ZWILCH: variants seen among roughly 807,000 people sequenced by gnomAD.
ZWILCH encodes the protein protein zwilch homolog.
In ZWILCH, 74 loss-of-function variants were observed where a neutral mutation model predicts 79.9. That is an observed-to-expected ratio of 0.93 (90% CI 0.77 to 1.12). The LOEUF is 1.12. ZWILCH is among the 50% of genes most tolerant of loss of function. The pLI, the probability that ZWILCH is intolerant of heterozygous loss-of-function variation, is 0.00. For synonymous variants in ZWILCH, 241 were observed against 228.2 expected (o/e 1.06, Z -0.51); for missense variants, 694 against 687.5 (o/e 1.01, Z -0.11).
At chr15:66,545,512 G>A (rs777479585) in intron 17 of ZWILCH, among the ~76,000 whole-genome samples, 11 of 152,188 alleles carry the variant, frequency 7.2e-5, no homozygotes, top group Admixed American at 2.0e-4. Flanking sequence ...AAAAAAGAGT[G>A]AAAGTTATTT....
chr15:66,515,363 G>C (rs375537774), intron 3 of ZWILCH, among the ~76,000 whole-genome samples, 163 bp from the exon 4 acceptor site: 2 of 152,142 alleles, frequency 1.3e-5, no homozygotes, highest in Non-Finnish European at 2.9e-5. Context: ...TTGGTACCAA[G>C]CTAGTTTGTG....
Position 66,549,190 on chromosome 15 carries a change from A to C in ZWILCH, c.*866A>C, listed in dbSNP as rs1381759129. 3 of 152,262 alleles carry C rather than the reference A, an allele frequency of 2.0e-5. No individual in the cohort carries two copies. Among genetic ancestry groups the C allele is most frequent in the Non-Finnish European group, 4.4e-5 (3 of 68,078 alleles). The allele number at this position is 152,262 out of a possible 1,614,324, so 9.4% of individuals were successfully genotyped here. A position where few individuals can be genotyped will look rare whatever the true frequency, so the allele number is the denominator to read the frequency against. On this transcript the variant is annotated 3_prime_UTR_variant, in exon 19 of 19. Transcript: ENST00000307897. Reference sequence around the variant, plus strand: ...GGTACTCTGGTTACTGAGATAAATAAGGCACTGGACATCCTCACGTGGAGT... The same window carrying C: ...GGTACTCTGGTTACTGAGATAAATACGGCACTGGACATCCTCACGTGGAGT...
rs1440773352 is a variant in ZWILCH at position 66,521,088 on chromosome 15, G to A, written c.630G>A (p.Lys210=). 1.2e-6 allele frequency: 2 copies of A among 1,614,134 alleles called. No homozygotes were observed. The highest frequency in any genetic ancestry group is 1.7e-6 in the Non-Finnish European group (2 of 1,180,034). ...GCTTTGCCCAGTATGAGCTCTTTAAGTCCTCTGCCTTGGATGATACAATCA... is the reference window on the plus strand; with the variant it reads ...GCTTTGCCCAGTATGAGCTCTTTAAATCCTCTGCCTTGGATGATACAATCA... ...SKGFAQYELF[K]SSALDDTITA... The change falls in exon 7 of 19, where the codon AAG becomes AAA. Residue 210 remains lysine, a synonymous_variant. Transcript: ENST00000307897.
At chr15:66,542,478 G>A (rs572373607) in intron 17 of ZWILCH, among the ~76,000 whole-genome samples, 26 of 152,162 alleles carry the variant, frequency 1.7e-4, no homozygotes, top group South Asian at 8.3e-4. Context: ...CCAGCTCTTC[G>A]GGAGGCGGAG....
intron 7 of ZWILCH, among the ~76,000 whole-genome samples, chr15:66,522,331 CTTTTT>C (rs1292788536): frequency 7.4e-6 from 1 of 135,822 alleles, no homozygotes; most frequent in African/African-American, 2.7e-5. Flanking sequence ...AGATTTCTTT[CTTTTT>C]TTTTTTTTTT....
intron 8 of ZWILCH, among the ~76,000 whole-genome samples, chr15:66,526,846 T>C (rs866507138): frequency 2.6e-5 from 4 of 152,216 alleles, no homozygotes; most frequent in Non-Finnish European, 5.9e-5. Context: ...CTTCCACTTT[T>C]TACATTTATT....
intron 3 of ZWILCH, among the ~76,000 whole-genome samples, 157 bp from the exon 4 acceptor site, chr15:66,515,369 T>A (rs1894213303): frequency 6.6e-6 from 1 of 152,214 alleles, no homozygotes; most frequent in Admixed American, 6.5e-5. Context: ...CCAAGCTAGT[T>A]TGTGGCTATT....
At chr15:66,527,146 A>G (rs1335507621) in intron 8 of ZWILCH, 144 bp from the exon 9 acceptor site, 7 of 628,444 alleles carry the variant, frequency 1.1e-5, no homozygotes, top group East Asian at 8.4e-5. Context: ...AACATGTACT[A>G]TACATAAAGC....
At chr15:66,535,817 T>C in intron 14 of ZWILCH, 116 bp from the exon 15 acceptor site, 1 of 823,524 alleles carries the variant, frequency 1.2e-6, no homozygotes, top group South Asian at 2.3e-5. Flanking sequence ...GTCTTTTTTT[T>C]TTTTAATGCC....
At chr15:66,519,107 G>T (rs764661169) in intron 5 of ZWILCH, 29 bp downstream of exon 5, 1 of 1,593,446 alleles carries the variant, frequency 6.3e-7, no homozygotes, top group African/African-American at 1.3e-5. Flanking sequence ...GAGTGTGTGT[G>T]TGTATTTATT....
At chr15:66,538,669 C>G (rs1034103326) in intron 16 of ZWILCH, among the ~76,000 whole-genome samples, 2 of 152,176 alleles carry the variant, frequency 1.3e-5, no homozygotes, top group Non-Finnish European at 2.9e-5. Context: ...GTGTGAGCCA[C>G]CATGCTCGGT....
At chr15:66,532,450 A>G (rs761801889) in intron 13 of ZWILCH, 47 bp downstream of exon 13, 12 of 1,524,228 alleles carry the variant, frequency 7.9e-6, no homozygotes, top group Non-Finnish European at 9.8e-6. Flanking sequence ...CATCACAGTT[A>G]TCAGTCACAG....
intron 17 of ZWILCH, among the ~76,000 whole-genome samples, chr15:66,543,785 A>G (rs372956256): frequency 1.4e-4 from 22 of 152,028 alleles, no homozygotes; most frequent in African/African-American, 5.1e-4. Context: ...TCTGTTGCTC[A>G]TGCCAAGTAA....
At chr15:66,528,123 A>T (rs758204718) in intron 10 of ZWILCH, among the ~76,000 whole-genome samples, 1 of 152,036 alleles carries the variant, frequency 6.6e-6, no homozygotes, top group Admixed American at 6.6e-5. Flanking sequence ...TATTTTTTTG[A>T]GACAAGGTCT....
rs199969000 is a variant in ZWILCH at position 66,517,217 on chromosome 15, AG to A, written c.320+1574del. ...GATTCACCAATTGCTTAGATTTTAC[AG>A]CATTTGCTTCTTTTTCTTCTCCTTC... On this transcript the variant is annotated intron_variant, in intron 4 of 18. Coordinates refer to ENST00000307897, the MANE Select transcript of ZWILCH (RefSeq NM_017975.5). Among the ~76,000 whole-genome samples the A allele has an allele frequency of 8.6e-3, 1,304 of 151,916 alleles. 16 individuals carry two copies. Among genetic ancestry groups the A allele is most frequent in the African/African-American group, 0.03 (1,229 of 41,454 alleles).
At position 66,542,296 on chromosome 15, in the gene ZWILCH, C is replaced by CA. The variant is rs923910888; in HGVS notation, c.1687+2093dup. Among the ~76,000 whole-genome samples the CA allele has an allele frequency of 1.1e-4, 16 of 150,978 alleles. No individual in the cohort carries two copies. In the East Asian group the frequency reaches 1.6e-3, roughly 15 times the overall value. ...AAACACCATCTCTACTAAAAAAATA[C>CA]AAAAAAAGGCCGGGCGCGGGGGCTC... On this transcript the variant is annotated intron_variant, in intron 17 of 18. Coordinates refer to ENST00000307897, the MANE Select transcript of ZWILCH (RefSeq NM_017975.5).
At chr15:66,545,462 T>C (rs1394822101) in intron 17 of ZWILCH, among the ~76,000 whole-genome samples, 1 of 152,250 alleles carries the variant, frequency 6.6e-6, no homozygotes. Flanking sequence ...GCAAGTATAC[T>C]GAACACATCA....
chr15:66,515,525 G>A lies in ZWILCH; in HGVS notation c.202-1G>A. On this transcript the variant is annotated splice_acceptor_variant, in intron 3 of 18. Coordinates refer to ENST00000307897, the MANE Select transcript of ZWILCH (RefSeq NM_017975.5). LOFTEE classifies it high-confidence loss of function. ...TTAAATAATTAAGAACATTTTTAAA[G>A]CCTTTAGAAAAGGAAGAAACAAGTC... 6.3e-7 allele frequency: 1 copy of A among 1,577,248 alleles called. No individual in the cohort carries two copies. The highest frequency in any genetic ancestry group is 8.7e-7 in the Non-Finnish European group (1 of 1,152,350).
intron 17 of ZWILCH, among the ~76,000 whole-genome samples, chr15:66,544,123 G>A (rs1247792869): frequency 6.6e-6 from 1 of 151,986 alleles, no homozygotes; most frequent in African/African-American, 2.4e-5. Context: ...CGGGCATGGT[G>A]GCGCATGCCT....
Sources: allele counts gnomAD v4.1 joint callset (sites outside exome capture counted in the v4.1 genomes callset), GRCh38; gene constraint gnomAD v4.1.1; transcripts MANE v1.5; gene names NCBI Gene and HGNC (gene_info 2026-07-23, HGNC 2026-07-21).